RBFOX1: variants seen among roughly 807,000 people sequenced by gnomAD.
RBFOX1 encodes RNA binding protein fox-1 homolog 1.
A neutral mutation model predicts 57.7 loss-of-function variants in RBFOX1; 8 were observed. The observed-to-expected ratio is 0.14, with a 90% CI of 0.08 to 0.25. RBFOX1 has a LOEUF of 0.25. Among genes scored for constraint, RBFOX1 ranks in the 10% least tolerant of loss-of-function variants. The pLI, the probability that RBFOX1 is intolerant of heterozygous loss-of-function variation, is 1.00. For missense variants in RBFOX1, 611 were observed against 548.5 expected, an observed-to-expected ratio of 1.11 and a Z score of -1.14; for synonymous variants, 326 against 222.4, an observed-to-expected ratio of 1.47 and a Z score of -4.15.
intron 14 of RBFOX1, among the ~76,000 whole-genome samples, chr16:7,684,715 G>A (rs555470825): frequency 2.4e-4 from 37 of 151,848 alleles, no homozygotes; most frequent in Non-Finnish European, 5.1e-4. Context: ...ATTTTAGAAT[G>A]TATTAAGAGA....
chr16:5,731,336 T>G (rs1032693739), intron 3 of RBFOX1, among the ~76,000 whole-genome samples: 4 of 152,226 alleles, frequency 2.6e-5, no homozygotes, highest in African/African-American at 7.2e-5. Context: ...CCACCACTAC[T>G]GTAATCACCA....
chr16:6,822,986 T>G (rs2091559047), intron 3 of RBFOX1, among the ~76,000 whole-genome samples: 1 of 152,206 alleles, frequency 6.6e-6, no homozygotes, highest in Admixed American at 6.5e-5. Flanking sequence ...TAACAGCTTC[T>G]CAACGTGTAG....
intron 4 of RBFOX1, among the ~76,000 whole-genome samples, chr16:7,085,752 T>C (rs2059892171): frequency 6.6e-6 from 1 of 152,202 alleles, no homozygotes; most frequent in South Asian, 2.1e-4. Flanking sequence ...TTTTCGGTTT[T>C]TTCTTCACTG....
intron 2 of RBFOX1, among the ~76,000 whole-genome samples, chr16:6,344,904 T>C (rs2085134852): frequency 6.6e-6 from 1 of 151,020 alleles, no homozygotes; most frequent in Admixed American, 6.6e-5. Context: ...TTGGCCAGGC[T>C]GGTCTTGAAT....
intron 12 of RBFOX1, among the ~76,000 whole-genome samples, chr16:7,659,697 G>C (rs987531072): frequency 2.0e-5 from 3 of 152,216 alleles, no homozygotes; most frequent in African/African-American, 4.8e-5. Context: ...ATGGGCTGCG[G>C]TTTGGACAAG....
intron 5 of RBFOX1, among the ~76,000 whole-genome samples, chr16:7,522,001 C>G (rs533786601): frequency 2.8e-4 from 42 of 152,294 alleles, no homozygotes; most frequent in African/African-American, 9.9e-4. Context: ...CATATAAGCC[C>G]TCTCGTGGGA....
intron 4 of RBFOX1, among the ~76,000 whole-genome samples, chr16:7,438,915 T>C (rs2098743605): frequency 6.6e-6 from 1 of 152,202 alleles, no homozygotes; most frequent in African/African-American, 2.4e-5. Context: ...CAGCTCTTGA[T>C]GTGTCCCTGG....
At chr16:6,781,454 A>G (rs937372234) in intron 3 of RBFOX1, among the ~76,000 whole-genome samples, 3 of 152,068 alleles carry the variant, frequency 2.0e-5, no homozygotes, top group African/African-American at 7.2e-5. Flanking sequence ...ATGAGTTTGG[A>G]AGTATTGTCT....
At chr16:6,976,508 A>C (rs1289909523) in intron 3 of RBFOX1, among the ~76,000 whole-genome samples, 1 of 152,052 alleles carries the variant, frequency 6.6e-6, no homozygotes, top group Non-Finnish European at 1.5e-5. Flanking sequence ...TCACACCAGA[A>C]AGAATTTGGG....
chr16:6,686,739 A>C (rs554179118), intron 3 of RBFOX1, among the ~76,000 whole-genome samples: 26 of 152,198 alleles, frequency 1.7e-4, no homozygotes, highest in African/African-American at 5.8e-4. Flanking sequence ...TTCAGGCCAT[A>C]ACTCTTTCCT....
intron 1 of RBFOX1, among the ~76,000 whole-genome samples, chr16:5,386,449 A>C (rs1420676286): frequency 6.6e-6 from 1 of 152,146 alleles, no homozygotes; most frequent in Admixed American, 6.5e-5. Context: ...CTAGTGCTCC[A>C]GCATAGAAGC....
intron 3 of RBFOX1, among the ~76,000 whole-genome samples, chr16:5,666,946 C>T (rs2049864416): frequency 6.6e-6 from 1 of 152,166 alleles, no homozygotes; most frequent in African/African-American, 2.4e-5. Flanking sequence ...TATCTGCTAC[C>T]AGACACATGA....
chr16:5,918,309 G>C (rs140534921), intron 4 of RBFOX1, among the ~76,000 whole-genome samples: 2,771 of 152,102 alleles, frequency 0.018, 74 homozygotes, highest in African/African-American at 0.064. Flanking sequence ...TAGTACAGAC[G>C]GGGTTTCACC....
chr16:6,877,863 A>G (rs896457649), intron 3 of RBFOX1, among the ~76,000 whole-genome samples: 1 of 152,180 alleles, frequency 6.6e-6, no homozygotes, highest in Non-Finnish European at 1.5e-5. Context: ...ACCCATTCAA[A>G]GAGAATAGGG....
chr16:7,014,198 G>A (rs1377702856), intron 3 of RBFOX1, among the ~76,000 whole-genome samples: 2 of 151,694 alleles, frequency 1.3e-5, no homozygotes, highest in Non-Finnish European at 2.9e-5. Context: ...TGTTCAAAAT[G>A]ATGTGTAAAC....
At chr16:6,288,932 T>A (rs1207634839) in intron 1 of RBFOX1, among the ~76,000 whole-genome samples, 2 of 152,170 alleles carry the variant, frequency 1.3e-5, no homozygotes, top group Non-Finnish European at 2.9e-5. Context: ...CTCATTGAGA[T>A]GCTGTCACCC....
At chr16:7,194,068 A>G (rs1170949020) in intron 4 of RBFOX1, among the ~76,000 whole-genome samples, 2 of 152,108 alleles carry the variant, frequency 1.3e-5, no homozygotes, top group Non-Finnish European at 2.9e-5. Flanking sequence ...TGAATCAATT[A>G]TTGGGAGAAG....
chr16:7,645,178 A>G (rs1392588519), intron 11 of RBFOX1, among the ~76,000 whole-genome samples: 2 of 152,264 alleles, frequency 1.3e-5, no homozygotes, highest in African/African-American at 2.4e-5. Context: ...CAGACCTATA[A>G]CAGCCTAGAA....
At chr16:5,571,028 T>C (rs976981493) in intron 2 of RBFOX1, among the ~76,000 whole-genome samples, 2 of 152,018 alleles carry the variant, frequency 1.3e-5, no homozygotes, top group Non-Finnish European at 2.9e-5. Flanking sequence ...ATACACAATC[T>C]CTTGGATCTT....
Sources: allele counts gnomAD v4.1 joint callset (sites outside exome capture counted in the v4.1 genomes callset), GRCh38; gene constraint gnomAD v4.1.1; transcripts MANE v1.5; gene names NCBI Gene and HGNC (gene_info 2026-07-23, HGNC 2026-07-21).